The following OTOGL variants were observed in gnomAD, a reference collection of about 807,000 sequenced individuals.
OTOGL encodes otogelin-like protein.
Under a neutral mutation model 318.5 loss-of-function variants are expected in OTOGL, and 285 were observed. The observed-to-expected ratio is 0.89, with a 90% CI of 0.81 to 0.99. OTOGL has a LOEUF of 0.99. Ranked by LOEUF, OTOGL falls within the 50% of genes least tolerant of loss-of-function variation. The pLI is 0.00. For missense variants in OTOGL, 2,899 were observed against 2,845.6 expected (o/e 1.02, Z -0.43); for synonymous variants, 987 against 936.5 (o/e 1.05, Z -0.99).
chr12:80,171,305 CCTG>C (rs1188194533), intron 1 of OTOGL, among the ~76,000 whole-genome samples: 1 of 152,066 alleles, frequency 6.6e-6, no homozygotes, highest in Non-Finnish European at 1.5e-5. Flanking sequence ...GTCTCAAACT[CCTG>C]GCCTCAAGCA....
At chr12:80,357,104 C>T (rs1889954190) in intron 49 of OTOGL, among the ~76,000 whole-genome samples, 190 bp downstream of exon 49, 1 of 152,006 alleles carries the variant, frequency 6.6e-6, no homozygotes, top group African/African-American at 2.4e-5. Context: ...AATACCTTCC[C>T]CCATCAACAA....
At chr12:80,258,707 G>C (rs1031203438) in intron 18 of OTOGL, among the ~76,000 whole-genome samples, 3 of 152,084 alleles carry the variant, frequency 2.0e-5, no homozygotes, top group Non-Finnish European at 4.4e-5. Context: ...TTGTGTTGCA[G>C]ATCAGGAGAG....
In OTOGL at chr12:80,310,665, C is replaced by G; in HGVS notation, c.3388C>G (p.Pro1130Ala). The stretch of plus-strand genomic sequence containing the variant: ...CTGTGAGGCACATCAAAACAAATTT[C>G]CTTATGCCAAGAAAGAATGCTCCAT... ...KPCEAHQNKFPYAKKECSILY... is the reference protein window; with the variant it reads ...KPCEAHQNKFAYAKKECSILY... Residue 1130 changes from proline to alanine, a missense_variant, in exon 30 of 59, where the codon CCT becomes GCT. This residue lies in a region of OTOGL where 2,607 missense variants were observed against 2,524.9 expected (regional missense o/e 1.03). Coordinates refer to ENST00000547103, the MANE Select transcript of OTOGL (RefSeq NM_001378609.3). 1.3e-6 allele frequency: 2 copies of G among 1,597,340 alleles called. No homozygotes were observed. The highest frequency in any genetic ancestry group is 1.7e-6 in the Non-Finnish European group (2 of 1,177,874).
Position 80,343,509 on chromosome 12 carries a change from G to GGTTTTTTTTTTTTTTTTTTTTTTTT in OTOGL, c.5265+1347_5265+1348insGTTTTTTTTTTTTTTTTTTTTTTTT. On this transcript the variant is annotated intron_variant, in intron 44 of 58. Coordinates refer to ENST00000547103, the MANE Select transcript of OTOGL (RefSeq NM_001378609.3). ...TACATTTTTATTATTTTTTATTCTT[G>GGTTTTTTTTTTTTTTTTTTTTTTTT]TTTTTTTTTTTTTTTTTTTTTTTTT... The GGTTTTTTTTTTTTTTTTTTTTTTTT allele has an allele frequency of 2.5e-4, 9 of 35,860 alleles. 3 individuals are homozygous for GGTTTTTTTTTTTTTTTTTTTTTTTT. Among genetic ancestry groups the GGTTTTTTTTTTTTTTTTTTTTTTTT allele is most frequent in the Non-Finnish European group, 3.0e-4 (6 of 19,834 alleles). 2.2% of individuals were successfully genotyped at this position (35,860 alleles called of 1,614,324 possible).
chr12:80,107,248 ATT>A (rs1869508314), intron 1 of OTOGL, among the ~76,000 whole-genome samples: 1 of 152,180 alleles, frequency 6.6e-6, no homozygotes, highest in South Asian at 2.1e-4. Context: ...AAGCAACCCC[ATT>A]AAAAGGTGGG....
intron 1 of OTOGL, among the ~76,000 whole-genome samples, chr12:80,178,223 G>A (rs1177430807): frequency 6.6e-6 from 1 of 151,354 alleles, no homozygotes; most frequent in Non-Finnish European, 1.5e-5. Context: ...ACCATGCCCG[G>A]CTAATTTTTG....
chr12:80,316,176 C>T, intron 32 of OTOGL, among the ~76,000 whole-genome samples: 1 of 152,164 alleles, frequency 6.6e-6, no homozygotes, highest in East Asian at 1.9e-4. Context: ...GGCCAGTGAG[C>T]ATGACCTCCA....
In OTOGL at chr12:80,234,861, A is replaced by G. The variant is rs539666872; in HGVS notation, c.817+1764A>G. Among the ~76,000 whole-genome samples, 5 of 152,204 alleles carry G rather than the reference A, an allele frequency of 3.3e-5. 1 individual carries two copies. The highest frequency in any genetic ancestry group is 1.2e-4 in the African/African-American group (5 of 41,444). ...CATATGTAAAATAGAGATAATGATA[A>G]TGACTCTGGGAGCTTCCCAGCCAGT... On this transcript the variant is annotated intron_variant, in intron 9 of 58. Coordinates refer to ENST00000547103, the MANE Select transcript of OTOGL (RefSeq NM_001378609.3).
intron 30 of OTOGL, among the ~76,000 whole-genome samples, chr12:80,312,333 A>C (rs551656291): frequency 7.5e-4 from 115 of 152,364 alleles, no homozygotes; most frequent in African/African-American, 2.7e-3. Context: ...CACATTAAAG[A>C]GATTTGCAAA....
At chr12:80,122,010 T>C (rs896778714) in intron 1 of OTOGL, among the ~76,000 whole-genome samples, 2 of 152,134 alleles carry the variant, frequency 1.3e-5, no homozygotes, top group Non-Finnish European at 2.9e-5. Context: ...AATCATCATA[T>C]GGCCAATATA....
chr12:80,099,975 C>A (rs911665533), intron 1 of OTOGL, among the ~76,000 whole-genome samples: 1 of 152,106 alleles, frequency 6.6e-6, no homozygotes. Context: ...TGTTGCTTCA[C>A]GTTAATGGAA....
intron 38 of OTOGL, among the ~76,000 whole-genome samples, chr12:80,333,841 A>G (rs1888230122): frequency 6.6e-6 from 1 of 152,196 alleles, no homozygotes; most frequent in Admixed American, 6.5e-5. Context: ...ACAAAGTTCC[A>G]GGCAGAGGGA....
intron 1 of OTOGL, among the ~76,000 whole-genome samples, chr12:80,150,892 A>G (rs950691292): frequency 2.6e-5 from 4 of 152,230 alleles, no homozygotes; most frequent in African/African-American, 4.8e-5. Context: ...CTGAAAAATT[A>G]TGCTAGTATT....
At chr12:80,351,578 C>T (rs778132208) in intron 44 of OTOGL, among the ~76,000 whole-genome samples, 2 of 151,954 alleles carry the variant, frequency 1.3e-5, no homozygotes, top group African/African-American at 2.4e-5. Context: ...CCTCCCAAGC[C>T]ATTGGTTTTT....
In OTOGL at chr12:80,313,710, A is replaced by G. The variant is rs181827164; in HGVS notation, c.3607+78A>G. The G allele has an allele frequency of 4.3e-4, 545 of 1,259,014 alleles. 3 individuals carry two copies. The East Asian group carries it at 0.011, about 25-fold the overall frequency. 78.0% of individuals were successfully genotyped at this position (1,259,014 alleles called of 1,614,324 possible). ...TATTAATTGTTGATTTAGCTTAGAA[A>G]TAATGCCAGGAGACTCATGGGAATA... is the stretch of plus-strand genomic sequence containing the variant. On this transcript the variant is annotated intron_variant, in intron 31 of 58. Transcript: ENST00000547103.
chr12:80,322,219 A>G (rs1272720181), intron 34 of OTOGL, among the ~76,000 whole-genome samples: 1 of 152,142 alleles, frequency 6.6e-6, no homozygotes, highest in Non-Finnish European at 1.5e-5. Flanking sequence ...AACCACTGAC[A>G]TATCTATATA....
In OTOGL at chr12:80,321,615, A is replaced by G. The variant is rs75641491; in HGVS notation, c.4081+915A>G. ...TAAAAAATAAAAAAAAATTTTACCT[A>G]TTGAATACAGTTCTTCTATGCAAAG... On this transcript the variant is annotated intron_variant, in intron 34 of 58. Coordinates refer to ENST00000547103, the MANE Select transcript of OTOGL (RefSeq NM_001378609.3). Among the ~76,000 whole-genome samples, 958 of 152,250 alleles carry G rather than the reference A, an allele frequency of 6.3e-3. 15 individuals carry two copies. The highest frequency in any genetic ancestry group is 0.022 in the African/African-American group (900 of 41,554).
chr12:80,329,844 TAAAC>T (rs1019512920), intron 37 of OTOGL, among the ~76,000 whole-genome samples: 1 of 152,154 alleles, frequency 6.6e-6, no homozygotes, highest in Non-Finnish European at 1.5e-5. Context: ...GGAGATATGA[TAAAC>T]AAGTCACAGC....
rs1161411823 is a variant in OTOGL at position 80,378,660 on chromosome 12, A to AG, written c.*612_*613insG. 1.3e-5 allele frequency: 2 copies of AG among 152,204 alleles called. No homozygotes were observed. Among genetic ancestry groups the AG allele is most frequent in the African/African-American group, 4.8e-5 (2 of 41,460 alleles). 9.4% of individuals were successfully genotyped at this position (152,204 alleles called of 1,614,324 possible). A position where few individuals can be genotyped will look rare whatever the true frequency, so the allele number is the denominator to read the frequency against. On this transcript the variant is annotated 3_prime_UTR_variant, in exon 59 of 59. Transcript: ENST00000547103. ...TGTAATAATATAGTAAATTCATGTT[A>AG]ACAGTTGGATTAAATCCTAGCTCTC... is the stretch of plus-strand genomic sequence containing the variant.
Sources: gnomAD v4.1 joint callset for allele counts (sites outside exome capture counted in the v4.1 genomes callset) on GRCh38, gnomAD v4.1.1 for gene constraint, gnomAD v4.1.1 regional missense constraint, MANE v1.5 for transcripts, NCBI Gene and HGNC (gene_info 2026-07-23, HGNC 2026-07-21) for gene names.